Variants in EVL observed in about 807,000 individuals in gnomAD.
The protein encoded by EVL is Enah/Vasp-like.
Under a neutral mutation model 59.6 loss-of-function variants are expected in EVL, and 21 were observed. The observed-to-expected ratio is 0.35, with a 90% CI of 0.25 to 0.51. EVL has a LOEUF of 0.51. EVL is among the 20% of genes least tolerant of loss of function. The pLI is 0.97. For synonymous variants in EVL, 198 were observed against 203.5 expected (o/e 0.97, Z 0.23); for missense variants, 462 against 546.6 (o/e 0.85, Z 1.54).
At chr14:100,003,427 A>T (rs1595555768) in intron 1 of EVL, among the ~76,000 whole-genome samples, 2 of 151,904 alleles carry the variant, frequency 1.3e-5, no homozygotes, top group Non-Finnish European at 2.9e-5. Flanking sequence ...TTTTATTTTT[A>T]TTTTTTGAGA....
intron 1 of EVL, among the ~76,000 whole-genome samples, chr14:100,083,953 CT>C (rs1200658018): frequency 1.3e-5 from 2 of 151,822 alleles, no homozygotes; most frequent in Non-Finnish European, 2.9e-5. Context: ...CTCTGAGCCA[CT>C]TTTTTCTCAT....
intron 1 of EVL, among the ~76,000 whole-genome samples, chr14:100,046,658 C>A (rs2061550739): frequency 7.1e-6 from 1 of 140,986 alleles, no homozygotes; most frequent in South Asian, 2.5e-4. Flanking sequence ...CAGAGCGAGA[C>A]CTTCCTCCCC....
chr14:100,058,669 G>A (rs745570208), intron 1 of EVL, among the ~76,000 whole-genome samples: 35 of 151,096 alleles, frequency 2.3e-4, no homozygotes, highest in Non-Finnish European at 3.8e-4. Flanking sequence ...TTTTTTCATC[G>A]GACCTGGAGA....
chr14:100,007,774 G>A (rs1457638246), intron 1 of EVL, among the ~76,000 whole-genome samples: 1 of 150,298 alleles, frequency 6.7e-6, no homozygotes, highest in Non-Finnish European at 1.5e-5. Context: ...CAGAGAGAGA[G>A]GAGAGAGAGA....
intron 1 of EVL, among the ~76,000 whole-genome samples, chr14:100,075,103 G>A (rs1247833552): frequency 6.6e-6 from 1 of 152,264 alleles, no homozygotes; most frequent in Non-Finnish European, 1.5e-5. Flanking sequence ...ATGGTGGTTT[G>A]AGCATTGTGT....
chr14:100,068,515 G>A (rs1030043193), intron 1 of EVL, among the ~76,000 whole-genome samples: 1 of 152,242 alleles, frequency 6.6e-6, no homozygotes, highest in Non-Finnish European at 1.5e-5. Flanking sequence ...ATGGCTGGCA[G>A]TGTGGCAAGA....
At chr14:99,998,709 G>A (rs2140183226) in intron 1 of EVL, among the ~76,000 whole-genome samples, 1 of 152,188 alleles carries the variant, frequency 6.6e-6, no homozygotes, top group East Asian at 1.9e-4. Flanking sequence ...ACAGATAAAA[G>A]CATAATAATA....
At position 100,130,900 on chromosome 14, in the gene EVL, G is replaced by A. The variant is rs1221783500; in HGVS notation, c.839+1216G>A. On this transcript the variant is annotated intron_variant, in intron 7 of 13. Transcript: ENST00000392920. The surrounding 1 kb of genome is among the most constrained non-coding windows in gnomAD (Gnocchi z 4.8). ...GAGGCAGGCTTCTGAGCAGTTTCCT[G>A]TGAGAGTAAGTCCAGGTGTGTGGGG... 1.3e-5 allele frequency among the ~76,000 whole-genome samples: 2 copies of A among 152,236 alleles called. No homozygotes were observed. Among genetic ancestry groups the A allele is most frequent in the East Asian group, 3.8e-4 (2 of 5,202 alleles).
intron 1 of EVL, among the ~76,000 whole-genome samples, chr14:100,058,692 A>C (rs775121899): frequency 2.0e-5 from 3 of 152,154 alleles, no homozygotes; most frequent in Non-Finnish European, 4.4e-5. Context: ...CCAGGGTCAA[A>C]GTAGAGACCT....
rs2060744923 is a variant in EVL, at chr14:99,972,914, A to AT, written c.5+858dup. Among the ~76,000 whole-genome samples, 1 of 152,148 alleles carries AT rather than the reference A, an allele frequency of 6.6e-6. No individual in the cohort carries two copies. Among genetic ancestry groups the AT allele is most frequent in the Admixed American group, 6.5e-5 (1 of 15,278 alleles). On this transcript the variant is annotated intron_variant, in intron 1 of 13. Transcript: ENST00000402714. The surrounding 1 kb of genome is among the most constrained non-coding windows in gnomAD (Gnocchi z 4.4). The stretch of plus-strand genomic sequence containing the variant: ...TTGTATTATTTATGACAATGAAATA[A>AT]TACAGTATTCTTTTGTGTCTGGTGT...
At chr14:100,069,981 C>G (rs1393699427) in intron 1 of EVL, among the ~76,000 whole-genome samples, 4 of 150,296 alleles carry the variant, frequency 2.7e-5, no homozygotes, top group African/African-American at 9.9e-5. Context: ...AATCCCAACA[C>G]TTTGAGAGGC....
At chr14:100,134,016 C>T (rs1888613881) in intron 8 of EVL, among the ~76,000 whole-genome samples, 1 of 152,240 alleles carries the variant, frequency 6.6e-6, no homozygotes, top group Non-Finnish European at 1.5e-5. Context: ...TACTTGATCC[C>T]AGCCCCGGTC....
intron 1 of EVL, among the ~76,000 whole-genome samples, chr14:100,027,701 G>A (rs1412913934): frequency 1.3e-5 from 2 of 151,930 alleles, no homozygotes; most frequent in Non-Finnish European, 2.9e-5. Flanking sequence ...TTTAGACAGA[G>A]TCTTGCTCTG....
chr14:100,068,482 T>C (rs2061983259), intron 1 of EVL, among the ~76,000 whole-genome samples: 1 of 152,008 alleles, frequency 6.6e-6, no homozygotes. Flanking sequence ...CTTAAGAAAA[T>C]CACTCTGGGC....
At chr14:99,975,202 A>G (rs1043983528) in intron 1 of EVL, 5 of 152,248 alleles carry the variant, frequency 3.3e-5, no homozygotes, top group Admixed American at 6.5e-5. Context: ...TTCATTATCT[A>G]TGACTTAGTT....
At chr14:100,077,161 G>T (rs1205793281) in intron 1 of EVL, among the ~76,000 whole-genome samples, 2 of 152,136 alleles carry the variant, frequency 1.3e-5, no homozygotes, top group Non-Finnish European at 2.9e-5. Context: ...AGGGTTGGGG[G>T]TGTGAGACTT....
chr14:100,047,555 A>G (rs1287399169), intron 1 of EVL, among the ~76,000 whole-genome samples: 1 of 152,172 alleles, frequency 6.6e-6, no homozygotes, highest in Non-Finnish European at 1.5e-5. Context: ...GTCAGATGTT[A>G]TGATTTCTAT....
At chr14:100,123,394 TGTGA>T in intron 3 of EVL, 141 bp from the exon 4 acceptor site, 1 of 700,766 alleles carries the variant, frequency 1.4e-6, no homozygotes, top group Non-Finnish European at 2.5e-6. Flanking sequence ...GATGCACAGG[TGTGA>T]GTGAGGCCAA....
intron 1 of EVL, among the ~76,000 whole-genome samples, chr14:100,015,962 C>G (rs2061046385): frequency 6.6e-6 from 1 of 151,768 alleles, no homozygotes; most frequent in African/African-American, 2.4e-5. Context: ...GCCTGTAATC[C>G]CAGCTACTGG....
Sources: gnomAD v4.1 joint callset for allele counts (sites outside exome capture counted in the v4.1 genomes callset) on GRCh38, gnomAD v4.1.1 for gene constraint, Gnocchi (gnomAD v3.1) non-coding constraint, MANE v1.5 for transcripts, NCBI Gene and HGNC (gene_info 2026-07-23, HGNC 2026-07-21) for gene names.